RGS9: variants seen among roughly 807,000 people sequenced by gnomAD.
RGS9 encodes the protein regulator of G protein signaling 9.
Under a neutral mutation model 102.0 loss-of-function variants are expected in RGS9, and 78 were observed. The ratio of observed to expected loss-of-function variants is 0.76; its 90% CI spans 0.64 to 0.92. The LOEUF (loss-of-function observed/expected upper bound fraction) is 0.92, where lower values mean the gene tolerates loss of function less well. RGS9 is among the 40% of genes least tolerant of loss of function. RGS9 has a pLI of 0.00. For synonymous variants in RGS9, 353 were observed against 318.6 expected, an observed-to-expected ratio of 1.11 and a Z score of -1.15; for missense variants, 833 against 866.1, an observed-to-expected ratio of 0.96 and a Z score of 0.48.
intron 17 of RGS9, among the ~76,000 whole-genome samples, chr17:65,215,474 C>CTTTCTTTCTTTT (rs1378047430): frequency 7.3e-6 from 1 of 137,046 alleles, no homozygotes; most frequent in African/African-American, 3.2e-5. Context: ...TTCTTTCTTT[C>CTTTCTTTCTTTT]TCTATCTTTC....
intron 12 of RGS9, 97 bp downstream of exon 12, chr17:65,193,753 G>GT (rs1912471465): frequency 1.3e-6 from 1 of 754,300 alleles, no homozygotes; most frequent in Admixed American, 2.0e-5. Context: ...CAGTTCAATG[G>GT]TTTTTATTAT....
At chr17:65,206,985 TG>T (rs1330160889) in intron 15 of RGS9, among the ~76,000 whole-genome samples, 2 of 152,214 alleles carry the variant, frequency 1.3e-5, no homozygotes, top group African/African-American at 4.8e-5. Flanking sequence ...CCTCAATCCC[TG>T]GTTTGTTGCA....
chr17:65,188,867 G>A (rs1049699123), intron 9 of RGS9: 3 of 208,204 alleles, frequency 1.4e-5, no homozygotes, highest in South Asian at 7.8e-5. Flanking sequence ...CTCCCTCCTC[G>A]GCCTCCCAAA....
At chr17:65,202,921 G>T (rs559986534) in intron 14 of RGS9, among the ~76,000 whole-genome samples, 1 of 152,292 alleles carries the variant, frequency 6.6e-6, no homozygotes, top group Non-Finnish European at 1.5e-5. Context: ...ATGAGTCCTG[G>T]ATACTGAGGG....
At chr17:65,157,748 T>G (rs545419185) in intron 2 of RGS9, among the ~76,000 whole-genome samples, 47 of 152,138 alleles carry the variant, frequency 3.1e-4, no homozygotes, top group African/African-American at 1.1e-3. Flanking sequence ...AGGTTCAAGT[T>G]TAGAAGTTTC....
intron 17 of RGS9, among the ~76,000 whole-genome samples, chr17:65,216,291 C>T (rs990576244): frequency 2.6e-5 from 4 of 152,098 alleles, no homozygotes; most frequent in Non-Finnish European, 5.9e-5. Context: ...TTAAATTTTG[C>T]TCTGAAATTC....
At chr17:65,204,688 G>T (rs1448380997) in intron 15 of RGS9, among the ~76,000 whole-genome samples, 1 of 152,144 alleles carries the variant, frequency 6.6e-6, no homozygotes, top group Non-Finnish European at 1.5e-5. Flanking sequence ...CATCCTTACG[G>T]GCCCCACTCT....
intron 6 of RGS9, among the ~76,000 whole-genome samples, chr17:65,162,075 T>G (rs1032792138): frequency 6.6e-5 from 10 of 152,198 alleles, no homozygotes; most frequent in Non-Finnish European, 8.8e-5. Flanking sequence ...ATTTTGTGAA[T>G]TTGTGATGCT....
At position 65,157,801 on chromosome 17, in the gene RGS9, G is replaced by T. The variant is rs1304941936; in HGVS notation, c.155-494G>T. Among the ~76,000 whole-genome samples, 9 of 152,084 alleles carry T rather than the reference G, an allele frequency of 5.9e-5. No homozygotes were observed. In the East Asian group the frequency reaches 1.7e-3, roughly 29 times the overall value. ...GCCTGGGAACTTGGGGAGTTGGAGA[G>T]CCGGCCCCAGCCCTCAGCCTGTCCT... On this transcript the variant is annotated intron_variant, in intron 2 of 18. Transcript: ENST00000262406.
chr17:65,212,850 A>C (rs1913356021), intron 17 of RGS9, among the ~76,000 whole-genome samples: 1 of 152,226 alleles, frequency 6.6e-6, no homozygotes, highest in Non-Finnish European at 1.5e-5. Flanking sequence ...AATGTAAACC[A>C]TTGTAAACTG....
At chr17:65,174,705 C>T (rs1253444708) in intron 8 of RGS9, among the ~76,000 whole-genome samples, 1 of 151,936 alleles carries the variant, frequency 6.6e-6, no homozygotes, top group African/African-American at 2.4e-5. Context: ...TGTATGTGAG[C>T]ATGTTTTTGT....
intron 17 of RGS9, among the ~76,000 whole-genome samples, chr17:65,211,953 G>C (rs1413142423): frequency 6.6e-6 from 1 of 152,250 alleles, no homozygotes; most frequent in Non-Finnish European, 1.5e-5. Flanking sequence ...GTGTGGCTCT[G>C]TGGATCTTGG....
chr17:65,177,982 A>G (rs528964775), intron 9 of RGS9, among the ~76,000 whole-genome samples, 179 bp downstream of exon 9: 2 of 152,308 alleles, frequency 1.3e-5, no homozygotes, highest in African/African-American at 4.8e-5. Flanking sequence ...CCATGGCAGG[A>G]TGCTAGGTGA....
At chr17:65,198,461 G>C (rs1231705512) in intron 13 of RGS9, among the ~76,000 whole-genome samples, 1 of 152,118 alleles carries the variant, frequency 6.6e-6, no homozygotes, top group African/African-American at 2.4e-5. Context: ...TCGCCATGTT[G>C]GCCAGGCTGG....
chr17:65,161,036 C>A, intron 6 of RGS9, 127 bp downstream of exon 6: 2 of 769,880 alleles, frequency 2.6e-6, no homozygotes, highest in South Asian at 1.5e-5. Context: ...ATCCAGCCAG[C>A]CAGCTAGCCA....
At chr17:65,222,381 TG>T (rs1913732353) in intron 17 of RGS9, among the ~76,000 whole-genome samples, 1 of 152,214 alleles carries the variant, frequency 6.6e-6, no homozygotes, top group Non-Finnish European at 1.5e-5. Flanking sequence ...TCACATAGCC[TG>T]ACTGGGAGTG....
chr17:65,215,309 C>T (rs2144117791), intron 17 of RGS9, among the ~76,000 whole-genome samples: 1 of 152,184 alleles, frequency 6.6e-6, no homozygotes, highest in African/African-American at 2.4e-5. Flanking sequence ...AGATTTTGAT[C>T]CTCCTAAGAC....
intron 9 of RGS9, among the ~76,000 whole-genome samples, chr17:65,187,110 T>C (rs1439836170): frequency 6.6e-6 from 1 of 152,178 alleles, no homozygotes; most frequent in Non-Finnish European, 1.5e-5. Context: ...GTGCTTTCAA[T>C]TTTTTAGTGG....
intron 1 of RGS9, among the ~76,000 whole-genome samples, chr17:65,147,330 G>A (rs1057072098): frequency 6.6e-6 from 1 of 152,198 alleles, no homozygotes; most frequent in African/African-American, 2.4e-5. Flanking sequence ...GGCCTCAGCT[G>A]TGTACCTGCC....
Sources: gnomAD v4.1 joint callset for allele counts (sites outside exome capture counted in the v4.1 genomes callset) on GRCh38, gnomAD v4.1.1 for gene constraint, MANE v1.5 for transcripts, NCBI Gene and HGNC (gene_info 2026-07-23, HGNC 2026-07-21) for gene names.